TMTC4: variants seen among roughly 807,000 people sequenced by gnomAD.
The protein encoded by TMTC4 is transmembrane O-mannosyltransferase targeting cadherins 4.
Under a neutral mutation model 86.0 loss-of-function variants are expected in TMTC4, and 65 were observed. The observed-to-expected ratio is 0.76, with a 90% CI of 0.62 to 0.93. TMTC4 has a LOEUF of 0.93. Among genes scored for constraint, TMTC4 ranks in the 40% least tolerant of loss-of-function variants. TMTC4 has a pLI of 0.00. For missense variants in TMTC4, 866 were observed against 948.1 expected (o/e 0.91, Z 1.14); for synonymous variants, 379 against 382.5 (o/e 0.99, Z 0.11).
Position 100,656,485 on chromosome 13 carries a change from G to C in TMTC4, c.553-17C>G. 7.0e-7 allele frequency: 1 copy of C among 1,429,356 alleles called. No individual in the cohort carries two copies. Among genetic ancestry groups the C allele is most frequent in the Non-Finnish European group, 9.3e-7 (1 of 1,074,528 alleles). 88.5% of individuals were successfully genotyped at this position (1,429,356 alleles called of 1,614,324 possible). On this transcript the variant is annotated splice_polypyrimidine_tract_variant and intron_variant, in intron 5 of 18. Coordinates refer to ENST00000342624, the MANE Select transcript of TMTC4 (RefSeq NM_032813.5). Reference sequence around the variant, plus strand: ...ACCAGCAACCTTAAAAAAGGGGGAAGAAAACAAAGAATTACATAAAACACA... The same window carrying C: ...ACCAGCAACCTTAAAAAAGGGGGAACAAAACAAAGAATTACATAAAACACA...
intron 17 of TMTC4, among the ~76,000 whole-genome samples, chr13:100,609,680 T>TATACACAC (rs775184123): frequency 2.3e-4 from 34 of 150,836 alleles, no homozygotes; most frequent in African/African-American, 8.1e-4. Context: ...TGTATATATA[T>TATACACAC]ACACACACAC....
intron 7 of TMTC4, among the ~76,000 whole-genome samples, chr13:100,641,592 A>T (rs1883020761): frequency 6.6e-6 from 1 of 151,968 alleles, no homozygotes; most frequent in South Asian, 2.1e-4. Context: ...GGTTCAAGCG[A>T]TTCACCTGCC....
Position 100,639,580 on chromosome 13 carries a change from A to G in TMTC4, c.742-1558T>C, listed in dbSNP as rs541899149. Among the ~76,000 whole-genome samples the G allele has an allele frequency of 1.2e-4, 18 of 152,328 alleles. 1 individual carries two copies. In the South Asian group the frequency reaches 3.7e-3, roughly 32 times the overall value. On this transcript the variant is annotated intron_variant, in intron 7 of 18. Transcript: ENST00000342624. ...CCCCATTTTAATCCAATTTTTGAGA[A>G]TAGCTACCTTTCACTGTATCTTTAT...
At chr13:100,625,399 C>A in intron 15 of TMTC4, 136 bp downstream of exon 15, 1 of 1,206,012 alleles carries the variant, frequency 8.3e-7, no homozygotes, top group Admixed American at 2.0e-5. Context: ...CAAATAGCTA[C>A]CTTCAAATGA....
rs747520568 is a variant in TMTC4 at position 100,656,473 on chromosome 13, A to G, written c.553-5T>C. On this transcript the variant is annotated splice_polypyrimidine_tract_variant and splice_region_variant and intron_variant, in intron 5 of 18. Transcript: ENST00000342624. The stretch of plus-strand genomic sequence containing the variant: ...ACGGCCGACAACACCAGCAACCTTA[A>G]AAAAGGGGGAAGAAAACAAAGAATT... 2 of 1,600,286 alleles carry G rather than the reference A, an allele frequency of 1.2e-6. No individual in the cohort carries two copies. Among genetic ancestry groups the G allele is most frequent in the African/African-American group, 2.7e-5 (2 of 73,982 alleles).
chr13:100,651,390 TTTTGTTTG>T (rs992959757), intron 6 of TMTC4, among the ~76,000 whole-genome samples: 5 of 151,964 alleles, frequency 3.3e-5, no homozygotes, highest in African/African-American at 7.2e-5. Flanking sequence ...CACTAGTGTT[TTTTGTTTG>T]TTTGTTTTTT....
intron 7 of TMTC4, chr13:100,638,480 A>C (rs1458490919): frequency 1.3e-5 from 2 of 153,404 alleles, no homozygotes; most frequent in African/African-American, 4.8e-5. Flanking sequence ...GTGCCAGTGC[A>C]CTTTGGCATC....
intron 6 of TMTC4, among the ~76,000 whole-genome samples, chr13:100,649,455 A>G (rs1184179099): frequency 1.3e-5 from 2 of 152,180 alleles, no homozygotes; most frequent in Non-Finnish European, 2.9e-5. Flanking sequence ...GCAAACCATT[A>G]TTTTATTTCC....
chr13:100,637,498 G>A (rs778409702), intron 9 of TMTC4, 40 bp downstream of exon 9: 2 of 1,574,926 alleles, frequency 1.3e-6, no homozygotes, highest in Non-Finnish European at 8.6e-7. Context: ...ATCTGGTGGG[G>A]GAAGAAAAGA....
chr13:100,645,682 G>C (rs1280885411), intron 6 of TMTC4, among the ~76,000 whole-genome samples: 3 of 152,220 alleles, frequency 2.0e-5, no homozygotes, highest in Non-Finnish European at 4.4e-5. Flanking sequence ...CCGTAGATTA[G>C]GTTAGGCCCA....
At chr13:100,651,775 G>C (rs1178941095) in intron 6 of TMTC4, among the ~76,000 whole-genome samples, 3 of 152,084 alleles carry the variant, frequency 2.0e-5, no homozygotes, top group Non-Finnish European at 4.4e-5. Context: ...TTGTTCCTCT[G>C]ATATTAGGCC....
chr13:100,656,542 CTTTTTTT>C, intron 5 of TMTC4, 74 bp from the exon 6 acceptor site: 12 of 384,126 alleles, frequency 3.1e-5, no homozygotes, highest in East Asian at 7.4e-5. Flanking sequence ...GGAGACATAA[CTTTTTTT>C]TTTTTTTTTT....
rs1566581860 is a variant in TMTC4 at position 100,625,817 on chromosome 13, A to G, written c.1662T>C (p.Ala554=). 1 of 1,613,828 alleles carries G rather than the reference A, an allele frequency of 6.2e-7. No homozygotes were observed. Among genetic ancestry groups the G allele is most frequent in the African/African-American group, 1.3e-5 (1 of 75,058 alleles). Reference sequence around the variant, plus strand: ...GAACAGCCAAAGACAGCAGCTCCTCAGCTTCCTGTAGCTCATTCCTTTCTT... The same window carrying G: ...GAACAGCCAAAGACAGCAGCTCCTCGGCTTCCTGTAGCTCATTCCTTTCTT... ...ILKERNELQE[A]EELLSLAVQI... Residue 554 remains alanine (A), a synonymous_variant, in exon 14 of 19, where the codon GCT becomes GCC. Coordinates refer to ENST00000342624, the MANE Select transcript of TMTC4 (RefSeq NM_032813.5).
chr13:100,637,404 G>C (rs1314586142), intron 9 of TMTC4, 134 bp downstream of exon 9: 5 of 1,217,508 alleles, frequency 4.1e-6, no homozygotes, highest in African/African-American at 1.5e-5. Flanking sequence ...GTGATCGCAA[G>C]CAAACATGGA....
At chr13:100,643,891 C>T (rs900161476) in intron 6 of TMTC4, among the ~76,000 whole-genome samples, 1 of 152,124 alleles carries the variant, frequency 6.6e-6, no homozygotes, top group African/African-American at 2.4e-5. Flanking sequence ...TGCCAGACAA[C>T]TGGATAGTGT....
rs1230996663 is a variant in TMTC4, at chr13:100,636,661, C to T, written c.1073G>A (p.Trp358Ter). 6.2e-7 allele frequency: 1 copy of T among 1,614,134 alleles called. No individual in the cohort carries two copies. The highest frequency in any genetic ancestry group is 1.7e-5 in the Admixed American group (1 of 60,020). ...AATGAGGGGGATGCAGCCCATTGAC[C>T]AATCAAAACACAGCCACCAGGGACA... ...LLCPWWLCFD[W>*]SMGCIPLIKS... Residue 358 changes from tryptophan to a stop codon, truncating the protein, a stop_gained, in exon 10 of 19, where the codon TGG becomes TAG. Transcript: ENST00000342624. LOFTEE classifies it high-confidence loss of function.
chr13:100,670,733 G>C (rs1350832307), intron 1 of TMTC4, 164 bp from the exon 2 acceptor site: 2 of 209,276 alleles, frequency 9.6e-6, no homozygotes, highest in East Asian at 1.2e-4. Flanking sequence ...TGGATGGCTT[G>C]AGCCCAGAGG....
chr13:100,605,974 GT>G lies in TMTC4; in HGVS notation c.2134+383del, dbSNP rs1876521121. On this transcript the variant is annotated intron_variant, in intron 18 of 18. Coordinates refer to ENST00000342624, the MANE Select transcript of TMTC4 (RefSeq NM_032813.5). The surrounding 1 kb of genome is among the most constrained non-coding windows in gnomAD (Gnocchi z 4.3). ...AGGCTGGAAGGGGAAGGTCTACTCT[GT>G]AAGAAGGAAGGAAAAGGAGGTAAGT... Among the ~76,000 whole-genome samples, 1 of 152,170 alleles carries G rather than the reference GT, an allele frequency of 6.6e-6. No individual in the cohort carries two copies. Among genetic ancestry groups the G allele is most frequent in the African/African-American group, 2.4e-5 (1 of 41,446 alleles).
At chr13:100,632,201 C>A (rs2138849639) in intron 12 of TMTC4, among the ~76,000 whole-genome samples, 1 of 152,218 alleles carries the variant, frequency 6.6e-6, no homozygotes, top group East Asian at 1.9e-4. Flanking sequence ...TCAGACATCA[C>A]CTATGTTCCA....
Sources: allele counts gnomAD v4.1 joint callset (sites outside exome capture counted in the v4.1 genomes callset), GRCh38; gene constraint gnomAD v4.1.1; non-coding constraint Gnocchi (gnomAD v3.1); transcripts MANE v1.5; gene names NCBI Gene and HGNC (gene_info 2026-07-23, HGNC 2026-07-21).